KPNB1: variants seen among roughly 807,000 people sequenced by gnomAD.
The protein encoded by KPNB1 is karyopherin subunit beta 1.
In KPNB1, 7 loss-of-function variants were observed where a neutral mutation model predicts 113.0. That is an observed-to-expected ratio of 0.06 (90% CI 0.04 to 0.12). KPNB1 has a LOEUF of 0.12. KPNB1 is among the 10% of genes least tolerant of loss of function. The probability of loss-of-function intolerance (pLI) is 1.00; values close to 1 mark genes in which losing one functional copy is unlikely to be tolerated. For synonymous variants in KPNB1, 363 were observed against 378.6 expected (o/e 0.96, Z 0.48); for missense variants, 400 against 1,054.8 (o/e 0.38, Z 8.60).
chr17:47,668,106 T>C, intron 9 of KPNB1, 80 bp from the exon 10 acceptor site: 1 of 1,095,074 alleles, frequency 9.1e-7, no homozygotes, highest in East Asian at 2.4e-5. Context: ...TCTAAAGACA[T>C]TCAAGAGTAG....
chr17:47,667,104 T>G (rs1018554573), intron 9 of KPNB1, among the ~76,000 whole-genome samples: 1 of 151,968 alleles, frequency 6.6e-6, no homozygotes, highest in African/African-American at 2.4e-5. Flanking sequence ...TTTTGAACTT[T>G]TGTGGTTTTG....
chr17:47,654,525 C>T (rs552202584), intron 3 of KPNB1, among the ~76,000 whole-genome samples: 10 of 151,752 alleles, frequency 6.6e-5, no homozygotes, highest in Non-Finnish European at 1.2e-4. Flanking sequence ...CATAGCACAA[C>T]GATAACTAAT....
At chr17:47,654,678 G>A (rs1915671833) in intron 3 of KPNB1, among the ~76,000 whole-genome samples, 2 of 152,124 alleles carry the variant, frequency 1.3e-5, no homozygotes, top group South Asian at 4.1e-4. Context: ...TCAGGAGGTG[G>A]ACATCCGTAG....
At position 47,653,171 on chromosome 17, in the gene KPNB1, ATT is replaced by A. The variant is rs201357069; in HGVS notation, c.282+296_282+297del. Among the ~76,000 whole-genome samples, 1,298 of 152,160 alleles carry A rather than the reference ATT, an allele frequency of 8.5e-3. 17 individuals carry two copies. Among genetic ancestry groups the A allele is most frequent in the African/African-American group, 0.03 (1,243 of 41,506 alleles). ...TTTGGCAAATGGGAGTAGTGTACAAATTGGTGCTACATTTGTATAAAAATTAG... is the reference window on the plus strand; with the variant it reads ...TTTGGCAAATGGGAGTAGTGTACAAAGGTGCTACATTTGTATAAAAATTAG... On this transcript the variant is annotated intron_variant, in intron 3 of 21. Transcript: ENST00000290158.
At chr17:47,679,342 C>G (rs2030704139) in intron 19 of KPNB1, among the ~76,000 whole-genome samples, 1 of 152,126 alleles carries the variant, frequency 6.6e-6, no homozygotes, top group South Asian at 2.1e-4. Flanking sequence ...TGGCAGGTCC[C>G]CTACCCCTTT....
chr17:47,656,294 C>T (rs2029901658), intron 3 of KPNB1, among the ~76,000 whole-genome samples: 1 of 151,880 alleles, frequency 6.6e-6, no homozygotes, highest in Non-Finnish European at 1.5e-5. Context: ...GCTGCCTGGG[C>T]ACAGTGGCTC....
intron 8 of KPNB1, among the ~76,000 whole-genome samples, chr17:47,664,835 A>G (rs540078307): frequency 6.6e-6 from 1 of 152,350 alleles, no homozygotes; most frequent in Non-Finnish European, 1.5e-5. Flanking sequence ...TTATGAAAAA[A>G]AAGTTATACT....
chr17:47,681,329 T>C (rs910688206), intron 21 of KPNB1, among the ~76,000 whole-genome samples: 2 of 150,434 alleles, frequency 1.3e-5, no homozygotes, highest in African/African-American at 4.9e-5. Context: ...AGTGCAGTGG[T>C]GCGATCTCAG....
chr17:47,660,377 A>G (rs1185948177), intron 5 of KPNB1, among the ~76,000 whole-genome samples: 1 of 152,152 alleles, frequency 6.6e-6, no homozygotes, highest in Admixed American at 6.5e-5. Flanking sequence ...TTTGGTTTGC[A>G]TCCACCTTTT....
chr17:47,677,921 T>A, intron 17 of KPNB1, 125 bp from the exon 18 acceptor site: 1 of 960,232 alleles, frequency 1.0e-6, no homozygotes, highest in East Asian at 2.5e-5. Context: ...GGAAAGGTTT[T>A]GTAAGCTATA....
rs1264092568 is a variant in KPNB1, at chr17:47,650,057, G to A, written c.-188G>A. ...GCCCATTTGGAGGGAGGAAGTAAGG[G>A]AAGAGGAGAGGAAGGGGAGCCGGAC... On this transcript the variant is annotated 5_prime_UTR_variant, in exon 1 of 22. Transcript: ENST00000290158. 22 of 1,384,634 alleles carry A rather than the reference G, an allele frequency of 1.6e-5. No individual in the cohort carries two copies. The highest frequency in any genetic ancestry group is 5.6e-6 in the Non-Finnish European group (6 of 1,075,474). The allele number at this position is 1,384,634 out of a possible 1,614,324, so 85.8% of individuals were successfully genotyped here.
chr17:47,657,605 G>A (rs2029945783), intron 4 of KPNB1, among the ~76,000 whole-genome samples: 1 of 152,172 alleles, frequency 6.6e-6, no homozygotes, highest in African/African-American at 2.4e-5. Context: ...GATGTGCCTA[G>A]GTGTCGATCC....
intron 10 of KPNB1, among the ~76,000 whole-genome samples, chr17:47,668,706 T>C (rs1414823343): frequency 1.3e-5 from 2 of 152,206 alleles, no homozygotes; most frequent in African/African-American, 4.8e-5. Flanking sequence ...TGTGCATGTG[T>C]GTGCAACAGG....
intron 1 of KPNB1, 32 bp from the exon 2 acceptor site, chr17:47,650,354 C>G: frequency 6.2e-7 from 1 of 1,610,976 alleles, no homozygotes; most frequent in South Asian, 1.1e-5. Flanking sequence ...GCCCCTCTGA[C>G]CCCGCTCCGT....
At chr17:47,656,470 A>C (rs1225072196) in intron 3 of KPNB1, among the ~76,000 whole-genome samples, 2 of 151,908 alleles carry the variant, frequency 1.3e-5, no homozygotes, top group African/African-American at 4.8e-5. Context: ...AGGCTGCAGT[A>C]TCGTTGTGCC....
chr17:47,664,969 T>A (rs2030223019), intron 8 of KPNB1, 88 bp from the exon 9 acceptor site: 3 of 902,662 alleles, frequency 3.3e-6, no homozygotes, highest in Non-Finnish European at 5.5e-6. Flanking sequence ...CTGTTTCTGT[T>A]AAGAGATCCC....
At chr17:47,676,906 G>T in intron 16 of KPNB1, 114 bp from the exon 17 acceptor site, 1 of 727,850 alleles carries the variant, frequency 1.4e-6, no homozygotes, top group East Asian at 2.6e-5. Context: ...AATCTCGGCA[G>T]AGGGATTTAA....
chr17:47,682,331 A>C, intron 21 of KPNB1, 73 bp from the exon 22 acceptor site: 1 of 776,976 alleles, frequency 1.3e-6, no homozygotes, highest in Non-Finnish European at 2.4e-6. Flanking sequence ...ATGTAATTGT[A>C]GGAGTCAGCA....
chr17:47,663,043 T>C (rs2030155950), intron 6 of KPNB1, 46 bp from the exon 7 acceptor site: 2 of 1,004,854 alleles, frequency 2.0e-6, no homozygotes, highest in South Asian at 1.3e-5. Context: ...CTTTGTCAGA[T>C]TGCGTTGTTA....
Sources: allele counts gnomAD v4.1 joint callset (sites outside exome capture counted in the v4.1 genomes callset), GRCh38; gene constraint gnomAD v4.1.1; transcripts MANE v1.5; gene names NCBI Gene and HGNC (gene_info 2026-07-23, HGNC 2026-07-21).